The following TRMT9B variants were observed in gnomAD, a reference collection of about 807,000 sequenced individuals.
TRMT9B encodes the protein probable tRNA methyltransferase 9B.
TRMT9B carries 16 observed loss-of-function variants against 11.5 expected under a neutral mutation model. The observed-to-expected ratio is 1.39, with a 90% CI of 0.94 to 2.11. The LOEUF (loss-of-function observed/expected upper bound fraction) is 2.11. TRMT9B is among the 30% of genes most tolerant of loss of function. TRMT9B has a pLI of 0.00. For missense variants in TRMT9B, 941 were observed against 553.8 expected, an observed-to-expected ratio of 1.70 and a Z score of -7.02; for synonymous variants, 274 against 192.4, an observed-to-expected ratio of 1.42 and a Z score of -3.51.
chr8:13,006,104 G>A (rs1810404723), intron 2 of TRMT9B, 98 bp from the exon 3 acceptor site: 2 of 1,179,596 alleles, frequency 1.7e-6, no homozygotes, highest in African/African-American at 1.5e-5. Flanking sequence ...TGAGTTTGCA[G>A]TTGTAGGCTC....
chr8:12,971,939 A>G (rs892204961), intron 1 of TRMT9B, among the ~76,000 whole-genome samples: 3 of 152,190 alleles, frequency 2.0e-5, no homozygotes, highest in African/African-American at 7.2e-5. Flanking sequence ...ATTTCATGGA[A>G]TTTATAAACT....
intron 4 of TRMT9B, among the ~76,000 whole-genome samples, chr8:13,019,819 A>G (rs939027907): frequency 2.6e-5 from 4 of 152,134 alleles, no homozygotes; most frequent in Non-Finnish European, 5.9e-5. Context: ...AGATCACAAA[A>G]CTAGTTACCG....
intron 4 of TRMT9B, 81 bp downstream of exon 4, chr8:13,012,938 C>A: frequency 1.4e-6 from 2 of 1,466,178 alleles, no homozygotes; most frequent in East Asian, 2.4e-5. Flanking sequence ...ACTCAACATC[C>A]GTTCTGTGTA....
intron 1 of TRMT9B, among the ~76,000 whole-genome samples, chr8:12,970,393 A>G (rs1443671768): frequency 6.6e-6 from 1 of 152,180 alleles, no homozygotes; most frequent in Non-Finnish European, 1.5e-5. Flanking sequence ...TCCCAACCTA[A>G]CAGTGAAGAG....
rs559093140 is a variant in TRMT9B at position 12,989,068 on chromosome 8, T to C, written c.-199-1766T>C. On this transcript the variant is annotated intron_variant, in intron 1 of 4. Transcript: ENST00000524591. Reference sequence around the variant, plus strand: ...AAAAGATGAATGTGTATTTTTAATTTAATACAGAAATTTTTTTTTTTTCAA... The same window carrying C: ...AAAAGATGAATGTGTATTTTTAATTCAATACAGAAATTTTTTTTTTTTCAA... Among the ~76,000 whole-genome samples the C allele has an allele frequency of 2.2e-3, 330 of 152,122 alleles. 1 individual carries two copies. Among genetic ancestry groups the C allele is most frequent in the Non-Finnish European group, 3.6e-3 (245 of 68,006 alleles).
At chr8:13,017,074 G>T (rs1232640885) in intron 4 of TRMT9B, among the ~76,000 whole-genome samples, 1 of 131,156 alleles carries the variant, frequency 7.6e-6, no homozygotes, top group East Asian at 2.0e-4. Context: ...CAGTGAACCA[G>T]GTCACACCAC....
intron 2 of TRMT9B, among the ~76,000 whole-genome samples, chr8:12,995,213 G>C (rs1044792113): frequency 4.6e-5 from 7 of 152,110 alleles, no homozygotes; most frequent in African/African-American, 1.7e-4. Context: ...GCATTATTTT[G>C]GGTTTTAGTT....
intron 1 of TRMT9B, among the ~76,000 whole-genome samples, chr8:12,955,586 G>A (rs1008003826): frequency 6.6e-6 from 1 of 152,138 alleles, no homozygotes; most frequent in Non-Finnish European, 1.5e-5. Context: ...AGGTGTAACT[G>A]CGAATGTCAA....
chr8:12,973,614 A>T (rs1292805098), intron 1 of TRMT9B, among the ~76,000 whole-genome samples: 1 of 152,122 alleles, frequency 6.6e-6, no homozygotes, highest in East Asian at 1.9e-4. Context: ...TCATCTGGAG[A>T]GGTGAAGAGA....
intron 1 of TRMT9B, among the ~76,000 whole-genome samples, chr8:12,975,812 T>C (rs1804358515): frequency 6.6e-6 from 1 of 152,130 alleles, no homozygotes; most frequent in Non-Finnish European, 1.5e-5. Flanking sequence ...ATTCCTTCAA[T>C]TGATGATAAT....
intron 1 of TRMT9B, among the ~76,000 whole-genome samples, chr8:12,967,395 C>G (rs78630542): frequency 1.8e-3 from 276 of 152,268 alleles, no homozygotes; most frequent in African/African-American, 6.4e-3. Context: ...CATCCTATAG[C>G]TCCCCTACAA....
intron 1 of TRMT9B, among the ~76,000 whole-genome samples, chr8:12,961,123 G>C (rs928479694): frequency 2.1e-4 from 32 of 152,116 alleles, no homozygotes; most frequent in African/African-American, 7.0e-4. Context: ...CCTGGTGACA[G>C]AGTGAGACTC....
intron 1 of TRMT9B, among the ~76,000 whole-genome samples, chr8:12,978,305 T>C (rs987737511): frequency 1.3e-5 from 2 of 152,196 alleles, no homozygotes; most frequent in Non-Finnish European, 2.9e-5. Context: ...AGAACCATTC[T>C]ATAAAATCTC....
intron 1 of TRMT9B, among the ~76,000 whole-genome samples, chr8:12,963,874 C>T (rs555448730): frequency 3.9e-5 from 6 of 152,344 alleles, no homozygotes; most frequent in Non-Finnish European, 5.9e-5. Context: ...CATGATAGAT[C>T]TGTGGACATG....
chr8:12,995,642 T>C (rs1808203544), intron 2 of TRMT9B, among the ~76,000 whole-genome samples: 1 of 152,162 alleles, frequency 6.6e-6, no homozygotes, highest in South Asian at 2.1e-4. Context: ...ACTTTACTGA[T>C]ACACATGTTT....
At chr8:13,019,497 T>C (rs1250952789) in intron 4 of TRMT9B, among the ~76,000 whole-genome samples, 1 of 152,182 alleles carries the variant, frequency 6.6e-6, no homozygotes, top group African/African-American at 2.4e-5. Context: ...TTTTGCCATG[T>C]TGCCCAGGCT....
In TRMT9B at chr8:12,945,800, G is replaced by C. The variant is rs1223579592; in HGVS notation, c.-366G>C. On this transcript the variant is annotated 5_prime_UTR_variant, in exon 1 of 5. It removes the in-frame stop codon of an upstream open reading frame in the 5' UTR. Transcript: ENST00000524591. ...TTTGTGTTTTTTGTTAGTTTGTTTT[G>C]AATTTTTTTTCTTGATGCATATGTT... The C allele has an allele frequency of 6.6e-6, 1 of 151,554 alleles. No individual in the cohort carries two copies. Among genetic ancestry groups the C allele is most frequent in the African/African-American group, 2.4e-5 (1 of 41,204 alleles). The allele number at this position is 151,554 out of a possible 1,614,324, so 9.4% of individuals were successfully genotyped here.
chr8:12,980,664 T>G (rs949285319), intron 1 of TRMT9B, among the ~76,000 whole-genome samples: 1 of 151,802 alleles, frequency 6.6e-6, no homozygotes, highest in Admixed American at 6.6e-5. Flanking sequence ...ACAGGAGAGA[T>G]AAAAGAGAGC....
At chr8:13,003,764 G>T (rs561061417) in intron 2 of TRMT9B, among the ~76,000 whole-genome samples, 8 of 151,130 alleles carry the variant, frequency 5.3e-5, no homozygotes, top group Non-Finnish European at 1.2e-4. Context: ...TCCACTGATG[G>T]TGTGTCCCCA....
Sources: gnomAD v4.1 joint callset for allele counts (sites outside exome capture counted in the v4.1 genomes callset) on GRCh38, gnomAD v4.1.1 for gene constraint, MANE v1.5 for transcripts, NCBI Gene and HGNC (gene_info 2026-07-23, HGNC 2026-07-21) for gene names.